Variants in SLC26A8 observed in about 807,000 individuals in gnomAD.
The protein encoded by SLC26A8 is testis anion transporter 1.
A neutral mutation model predicts 105.0 loss-of-function variants in SLC26A8; 70 were observed. The ratio of observed to expected loss-of-function variants is 0.67; its 90% confidence interval spans 0.55 to 0.81. The LOEUF (loss-of-function observed/expected upper bound fraction) is 0.81, where lower values mean the gene tolerates loss of function less well. Ranked by LOEUF, SLC26A8 falls within the 40% of genes least tolerant of loss-of-function variation. The pLI, the probability that SLC26A8 is intolerant of heterozygous loss-of-function variation, is 0.00. For synonymous variants in SLC26A8, 415 were observed against 438.3 expected (o/e 0.95, Z 0.66); for missense variants, 998 against 1,181.8 (o/e 0.84, Z 2.28).
At chr6:36,018,710 G>A (rs1762054635) in intron 2 of SLC26A8, among the ~76,000 whole-genome samples, 1 of 152,144 alleles carries the variant, frequency 6.6e-6, no homozygotes, top group South Asian at 2.1e-4. Context: ...TATTCTGAAA[G>A]ATGTTGATTA....
chr6:36,020,346 GTTTC>G (rs1443117597), intron 1 of SLC26A8, among the ~76,000 whole-genome samples: 9 of 152,302 alleles, frequency 5.9e-5, no homozygotes, highest in Admixed American at 5.9e-4. Context: ...CTTAACAAGT[GTTTC>G]TTGAATGACT....
At chr6:35,973,590 G>C (rs1488540722) in intron 10 of SLC26A8, among the ~76,000 whole-genome samples, 1 of 151,662 alleles carries the variant, frequency 6.6e-6, no homozygotes, top group Non-Finnish European at 1.5e-5. Flanking sequence ...GTTAGAATTA[G>C]TGCATTTTAT....
intron 1 of SLC26A8, among the ~76,000 whole-genome samples, chr6:36,020,033 T>G (rs1581704306): frequency 6.6e-6 from 1 of 152,184 alleles, no homozygotes; most frequent in Non-Finnish European, 1.5e-5. Context: ...GATCAAGAGG[T>G]GGACAGTATT....
intron 14 of SLC26A8, 110 bp downstream of exon 14, chr6:35,960,733 G>T: frequency 1.0e-6 from 1 of 977,640 alleles, no homozygotes; most frequent in Non-Finnish European, 1.6e-6. Context: ...TTGTAAATGT[G>T]TATCTGCAGT....
intron 3 of SLC26A8, among the ~76,000 whole-genome samples, chr6:36,004,585 T>G (rs1444929518): frequency 2.0e-5 from 3 of 152,124 alleles, no homozygotes; most frequent in Non-Finnish European, 4.4e-5. Context: ...TACTTTGTAC[T>G]TCTTTTTCTT....
rs573302560 is a variant in SLC26A8 at position 36,019,719 on chromosome 6, T to C, written c.-2-10A>G. 18 of 1,595,666 alleles carry C rather than the reference T, an allele frequency of 1.1e-5. No homozygotes were observed. In the South Asian group the frequency reaches 1.9e-4, roughly 17 times the overall value. On this transcript the variant is annotated splice_polypyrimidine_tract_variant and intron_variant, in intron 1 of 19. Coordinates refer to ENST00000490799, the MANE Select transcript of SLC26A8 (RefSeq NM_052961.4). The stretch of plus-strand genomic sequence containing the variant: ...TCTAGTTGTGCCATTCCTGGATGAG[T>C]GGAAAGAGAGCAAATAAAAGAGCAT...
intron 11 of SLC26A8, among the ~76,000 whole-genome samples, chr6:35,967,356 C>T (rs1581641094): frequency 6.6e-6 from 1 of 152,314 alleles, no homozygotes; most frequent in South Asian, 2.1e-4. Flanking sequence ...ACAAATAAAC[C>T]TTCTCTCACC....
chr6:36,017,008 C>A (rs558854950), intron 2 of SLC26A8, among the ~76,000 whole-genome samples: 3 of 152,094 alleles, frequency 2.0e-5, no homozygotes, highest in Non-Finnish European at 2.9e-5. Context: ...CCCGTCTCTA[C>A]TAAAAATGCA....
At chr6:35,962,660 G>C in intron 11 of SLC26A8, 39 bp from the exon 12 acceptor site, 1 of 1,600,202 alleles carries the variant, frequency 6.2e-7, no homozygotes, top group South Asian at 1.1e-5. Context: ...TTTTCCCTTT[G>C]GGGTGTAAAA....
At position 35,977,222 on chromosome 6, in the gene SLC26A8, G is replaced by C; in HGVS notation, c.1155C>G (p.Tyr385Ter). Residue 385 changes from tyrosine to a stop codon, truncating the protein, a stop_gained, in exon 9 of 20, where the codon TAC becomes TAG. Transcript: ENST00000490799. LOFTEE classifies it high-confidence loss of function. The stretch of plus-strand genomic sequence containing the variant: ...CTCTCACCTGGTTGGAATTGACACT[G>C]TAATTGTGAAGACTGGCAATCTTCT... ...LGKKIASLHN[Y>*]SVNSNQDLIA... 6 of 1,614,044 alleles carry C rather than the reference G, an allele frequency of 3.7e-6. No homozygotes were observed. The highest frequency in any genetic ancestry group is 5.1e-6 in the Non-Finnish European group (6 of 1,179,976).
intron 3 of SLC26A8, 47 bp from the exon 4 acceptor site, chr6:36,000,155 C>G (rs749435159): frequency 8.1e-7 from 1 of 1,230,444 alleles, no homozygotes; most frequent in Non-Finnish European, 1.2e-6. Flanking sequence ...CTTTAAAAGT[C>G]ACCTTAAATA....
In SLC26A8 at chr6:35,944,207, T is replaced by C. The variant is rs1355933746; in HGVS notation, c.2606A>G (p.Glu869Gly). Residue 869 changes from glutamate (E) to glycine (G), a missense_variant, in exon 20 of 20, where the codon GAG becomes GGG. Glu to Gly is a moderately conservative substitution (Grantham distance 98, BLOSUM62 -2). Transcript: ENST00000490799. ...GTCTAGGTCCAGACCCAGCCCAGCC[T>C]CTTGTTCTGATTCCAGCTCCAAATC... ...ELDLELESEQEAGLGLDLDLD... is the reference protein window; with the variant it reads ...ELDLELESEQGAGLGLDLDLD... 1.2e-6 allele frequency: 2 copies of C among 1,613,986 alleles called. No homozygotes were observed. Among genetic ancestry groups the C allele is most frequent in the Non-Finnish European group, 1.7e-6 (2 of 1,179,906 alleles).
chr6:35,960,680 AC>A, intron 14 of SLC26A8, 162 bp downstream of exon 14: 2 of 698,198 alleles, frequency 2.9e-6, no homozygotes, highest in African/African-American at 3.6e-5. Context: ...AAAAATAAAA[AC>A]AAAGAACCCA....
intron 17 of SLC26A8, among the ~76,000 whole-genome samples, chr6:35,954,016 C>G (rs1045007842): frequency 5.3e-5 from 8 of 152,172 alleles, no homozygotes; most frequent in Non-Finnish European, 1.0e-4. Flanking sequence ...AAGAAGCACT[C>G]AAACACCATG....
chr6:35,962,502 C>T, intron 12 of SLC26A8, 24 bp downstream of exon 12: 1 of 1,594,102 alleles, frequency 6.3e-7, no homozygotes, highest in Non-Finnish European at 8.6e-7. Context: ...CCTCCCCTTC[C>T]TCAGCCAGGG....
intron 3 of SLC26A8, among the ~76,000 whole-genome samples, chr6:36,008,637 A>T (rs868709593): frequency 3.1e-4 from 47 of 152,348 alleles, no homozygotes; most frequent in Admixed American, 5.2e-4. Context: ...CAAAAGACAA[A>T]ATAACTAGTA....
At chr6:35,945,757 T>A (rs1771636676) in intron 19 of SLC26A8, among the ~76,000 whole-genome samples, 1 of 152,204 alleles carries the variant, frequency 6.6e-6, no homozygotes, top group Non-Finnish European at 1.5e-5. Flanking sequence ...GACTCTAAGC[T>A]CCTTGTGGTA....
chr6:35,993,911 C>T (rs772522943), intron 5 of SLC26A8, among the ~76,000 whole-genome samples: 8 of 151,976 alleles, frequency 5.3e-5, no homozygotes, highest in Non-Finnish European at 1.0e-4. Context: ...AAAACTGGCA[C>T]AGCCCAATGA....
At chr6:36,004,331 C>T (rs1761620035) in intron 3 of SLC26A8, among the ~76,000 whole-genome samples, 1 of 152,134 alleles carries the variant, frequency 6.6e-6, no homozygotes, top group South Asian at 2.1e-4. Context: ...CCGCCACAAC[C>T]TCCCAAAGTG....
Sources: allele counts gnomAD v4.1 joint callset (sites outside exome capture counted in the v4.1 genomes callset), GRCh38; gene constraint gnomAD v4.1.1; transcripts MANE v1.5; gene names NCBI Gene and HGNC (gene_info 2026-07-23, HGNC 2026-07-21).